PDCD11: variants seen among roughly 807,000 people sequenced by gnomAD.
PDCD11 encodes the protein programmed cell death 11.
In PDCD11, 97 loss-of-function variants were observed where a neutral mutation model predicts 198.9. The ratio of observed to expected loss-of-function variants is 0.49; its 90% confidence interval spans 0.41 to 0.58. PDCD11 has a LOEUF of 0.58. Among genes scored for constraint, PDCD11 ranks in the 20% least tolerant of loss-of-function variants. PDCD11 has a pLI of 0.00. For synonymous variants in PDCD11, 893 were observed against 918.0 expected (o/e 0.97, Z 0.49); for missense variants, 2,102 against 2,312.7 (o/e 0.91, Z 1.87).
chr10:103,434,829 C>T lies in PDCD11; in HGVS notation c.3699C>T (p.Ala1233=). 6.2e-7 allele frequency: 1 copy of T among 1,611,338 alleles called. No individual in the cohort carries two copies. The highest frequency in any genetic ancestry group is 8.5e-7 in the Non-Finnish European group (1 of 1,178,892). ...GPHKLEEGEV[A]MGRVVKVTPN... is the part of the protein sequence containing the mutation. ...ACAAGCTTGAGGAAGGGGAAGTGGCCATGGGCCGAGTGGTGAAGGTGACTC... is the reference window on the plus strand; with the variant it reads ...ACAAGCTTGAGGAAGGGGAAGTGGCTATGGGCCGAGTGGTGAAGGTGACTC... Residue 1233 remains alanine, a synonymous_variant, in exon 25 of 36, where the codon GCC becomes GCT. Coordinates refer to ENST00000369797, the MANE Select transcript of PDCD11 (RefSeq NM_014976.2).
chr10:103,397,990 C>T (rs544190629), intron 1 of PDCD11, among the ~76,000 whole-genome samples: 1 of 152,360 alleles, frequency 6.6e-6, no homozygotes, highest in South Asian at 2.1e-4. Context: ...TCCCTTCCTA[C>T]ATTGCCTTAT....
chr10:103,416,447 C>G, intron 12 of PDCD11, 44 bp from the exon 13 acceptor site: 2 of 1,605,254 alleles, frequency 1.2e-6, no homozygotes, highest in South Asian at 2.2e-5. Flanking sequence ...CAGTGGCTCT[C>G]ATGATAACAG....
intron 6 of PDCD11, 145 bp downstream of exon 6, chr10:103,406,253 T>C: frequency 1.1e-6 from 1 of 908,490 alleles, no homozygotes; most frequent in Non-Finnish European, 1.7e-6. Flanking sequence ...TAATCCTAGT[T>C]AATAGGAAAG....
rs1321592425 is a variant in PDCD11, at chr10:103,406,588, G to A, written c.689-21G>A. On this transcript the variant is annotated intron_variant, in intron 6 of 35. Coordinates refer to ENST00000369797, the MANE Select transcript of PDCD11 (RefSeq NM_014976.2). ...CTCATAGATACATTTTTCCTTTTGG[G>A]GCCTGGGTCTGGGCTTACAGGTGCT... 6 of 1,603,558 alleles carry A rather than the reference G, an allele frequency of 3.7e-6. No individual in the cohort carries two copies. The South Asian group carries it at 6.7e-5, about 18-fold the overall frequency.
At position 103,440,300 on chromosome 10, in the gene PDCD11, C is replaced by T. The variant is rs750748156; in HGVS notation, c.4159C>T (p.Gln1387Ter). The change falls in exon 29 of 36, where the codon CAG (glutamine) becomes TAG (stop). Residue 1387 changes from glutamine to a stop codon, truncating the protein, a stop_gained. Coordinates refer to ENST00000369797, the MANE Select transcript of PDCD11 (RefSeq NM_014976.2). LOFTEE classifies it high-confidence loss of function. ...CTTGCTCTGTCATAGCCTTAACCAC[C>T]AGAAGAACCTGGTAGAGCTGTCTTT... is the stretch of plus-strand genomic sequence containing the variant. ...LTARVLRLNH[Q>*]KNLVELSFLP... 6.2e-7 allele frequency: 1 copy of T among 1,612,870 alleles called. No individual in the cohort carries two copies. Among genetic ancestry groups the T allele is most frequent in the Admixed American group, 1.7e-5 (1 of 59,734 alleles).
chr10:103,422,959 A>G, intron 17 of PDCD11, 29 bp from the exon 18 acceptor site: 2 of 1,466,436 alleles, frequency 1.4e-6, no homozygotes, highest in Non-Finnish European at 1.8e-6. Flanking sequence ...TCATGGTACT[A>G]ATCCGTGTTT....
chr10:103,431,998 C>A lies in PDCD11; in HGVS notation c.3369-131C>A, dbSNP rs372650795. ...GGACATTCCCCTTTGAGGAGAGAAA[C>A]GGCCTTGGAGGGTGAGTATGAGTAG... is the stretch of plus-strand genomic sequence containing the variant. On this transcript the variant is annotated intron_variant, in intron 21 of 35. Coordinates refer to ENST00000369797, the MANE Select transcript of PDCD11 (RefSeq NM_014976.2). The A allele has an allele frequency of 4.6e-6, 3 of 649,062 alleles. No individual in the cohort carries two copies. In the South Asian group the frequency reaches 5.3e-5, roughly 11 times the overall value. The allele number at this position is 649,062 out of a possible 1,614,324, so 40.2% of individuals were successfully genotyped here. A position where few individuals can be genotyped will look rare whatever the true frequency, so the allele number is the denominator to read the frequency against.
intron 34 of PDCD11, 170 bp from the exon 35 acceptor site, chr10:103,444,347 T>C: frequency 1.5e-6 from 1 of 662,392 alleles, no homozygotes. Context: ...AGTGCCCATC[T>C]GTGTATTTGG....
chr10:103,432,334 G>C (rs1371995950), intron 22 of PDCD11, 100 bp downstream of exon 22: 1 of 823,904 alleles, frequency 1.2e-6, no homozygotes, highest in Non-Finnish European at 2.0e-6. Context: ...AGGCATTTGA[G>C]TCTGTGCTAC....
intron 4 of PDCD11, 130 bp from the exon 5 acceptor site, chr10:103,404,892 G>C (rs1196294845): frequency 2.7e-6 from 2 of 732,544 alleles, no homozygotes; most frequent in East Asian, 2.8e-5. Context: ...GTGGATGGGG[G>C]GTTATTCCTC....
chr10:103,419,462 C>A, intron 15 of PDCD11, 76 bp from the exon 16 acceptor site: 1 of 1,497,878 alleles, frequency 6.7e-7, no homozygotes, highest in Non-Finnish European at 9.1e-7. Flanking sequence ...CTGTCCTTCT[C>A]TGTGGAGAAA....
Position 103,425,141 on chromosome 10 carries a change from A to G in PDCD11, c.2921A>G (p.Gln974Arg), listed in dbSNP as rs2133720350. The G allele has an allele frequency of 3.1e-6, 5 of 1,614,204 alleles. No individual in the cohort carries two copies. The East Asian group carries it at 8.9e-5, about 29-fold the overall frequency. Reference protein sequence around the residue: ...RFDSEKLQVGQGVSLTLKTTE... With the variant: ...RFDSEKLQVGRGVSLTLKTTE... ...GACTCAGAGAAATTGCAGGTGGGAC[A>G]GGGTGTCTCCCTAACCCTCAAGACC... Residue 974 changes from glutamine to arginine, a missense_variant, in exon 20 of 36, where the codon CAG becomes CGG. Physicochemically the swap from Gln to Arg is conservative, Grantham distance 43. Coordinates refer to ENST00000369797, the MANE Select transcript of PDCD11 (RefSeq NM_014976.2).
chr10:103,419,829 G>C, intron 16 of PDCD11, 121 bp downstream of exon 16: 1 of 847,202 alleles, frequency 1.2e-6, no homozygotes, highest in Non-Finnish European at 1.8e-6. Context: ...TTGTTCTGTC[G>C]CCCAGGCTGG....
In PDCD11 at chr10:103,405,068, G is replaced by A. The variant is rs2030364240; in HGVS notation, c.449G>A (p.Arg150Lys). 6.2e-7 allele frequency: 1 copy of A among 1,614,162 alleles called. No individual in the cohort carries two copies. The highest frequency in any genetic ancestry group is 1.3e-5 in the African/African-American group (1 of 75,060). Residue 150 changes from arginine (R) to lysine (K), a missense_variant, in exon 5 of 36, where the codon AGA (arginine) becomes AAA (lysine). Coordinates refer to ENST00000369797, the MANE Select transcript of PDCD11 (RefSeq NM_014976.2). Reference protein sequence around the residue: ...PELFSPGMLVRCVVSSLGITD... With the variant: ...PELFSPGMLVKCVVSSLGITD... ...CTTTTCTCACCTGGAATGCTGGTAA[G>A]ATGTGTGGTGAGCAGTCTGGGCATC...
chr10:103,425,680 T>G (rs997453944), intron 20 of PDCD11, among the ~76,000 whole-genome samples, 155 bp downstream of exon 20: 3 of 151,622 alleles, frequency 2.0e-5, no homozygotes, highest in Admixed American at 6.6e-5. Flanking sequence ...GCAAGATTCT[T>G]TTTTTTTTCT....
At chr10:103,422,555 T>A (rs2031499517) in intron 17 of PDCD11, among the ~76,000 whole-genome samples, 1 of 151,960 alleles carries the variant, frequency 6.6e-6, no homozygotes, top group Non-Finnish European at 1.5e-5. Flanking sequence ...CACTCGCCTT[T>A]TCACCTTTCA....
At chr10:103,409,024 T>C (rs1016167862) in intron 7 of PDCD11, among the ~76,000 whole-genome samples, 7 of 152,230 alleles carry the variant, frequency 4.6e-5, no homozygotes, top group Non-Finnish European at 8.8e-5. Flanking sequence ...AGGGGCTGGA[T>C]ATTTACATGA....
intron 3 of PDCD11, among the ~76,000 whole-genome samples, chr10:103,401,699 TA>T (rs917768283): frequency 3.7e-4 from 57 of 152,180 alleles, no homozygotes; most frequent in African/African-American, 1.4e-3. Flanking sequence ...TATGATACTT[TA>T]AAAAAATTGT....
At chr10:103,440,687 G>A (rs371601665) in intron 29 of PDCD11, 47 bp from the exon 30 acceptor site, 1 of 1,613,572 alleles carries the variant, frequency 6.2e-7, no homozygotes, top group African/African-American at 1.3e-5. Flanking sequence ...GTGTCGCCTG[G>A]GGCTGCAGGA....
Sources: gnomAD v4.1 joint callset for allele counts (sites outside exome capture counted in the v4.1 genomes callset) on GRCh38, gnomAD v4.1.1 for gene constraint, MANE v1.5 for transcripts, NCBI Gene and HGNC (gene_info 2026-07-23, HGNC 2026-07-21) for gene names.